The following ATP6V1H variants were observed in gnomAD, a reference collection of about 807,000 sequenced individuals.
ATP6V1H encodes V-type proton ATPase subunit H.
In ATP6V1H, 39 loss-of-function variants were observed where a neutral mutation model predicts 71.7. The observed-to-expected ratio is 0.54, with a 90% CI of 0.42 to 0.71. ATP6V1H has a LOEUF of 0.71. Ranked by LOEUF, ATP6V1H falls within the 30% of genes least tolerant of loss-of-function variation. ATP6V1H has a pLI of 0.00. For synonymous variants in ATP6V1H, 192 were observed against 199.3 expected (o/e 0.96, Z 0.31); for missense variants, 509 against 594.9 (o/e 0.86, Z 1.50).
chr8:53,785,345 G>A (rs562178084), intron 9 of ATP6V1H, among the ~76,000 whole-genome samples: 20 of 152,202 alleles, frequency 1.3e-4, no homozygotes, highest in African/African-American at 4.6e-4. Context: ...ACTGAGGCTT[G>A]TGCATTCATC....
intron 7 of ATP6V1H, 84 bp from the exon 8 acceptor site, chr8:53,801,980 G>C (rs1354952998): frequency 8.2e-7 from 1 of 1,212,484 alleles, no homozygotes; most frequent in Non-Finnish European, 1.2e-6. Flanking sequence ...TGAAAAGTCA[G>C]ATTACCTACT....
rs760213235 is a variant in ATP6V1H at position 53,772,032 on chromosome 8, T to G, written c.1006A>C (p.Lys336Gln). 3.7e-6 allele frequency: 6 copies of G among 1,614,168 alleles called. No individual in the cohort carries two copies. In the South Asian group the frequency reaches 4.4e-5, roughly 12 times the overall value. ...YDDEDISEDI[K>Q]FLLEKLGESV... is the part of the protein sequence containing the mutation. ...TCTCCAAGTTTTTCCAAAAGAAATT[T>G]GATATCTTCGCTGATATCTTCATCA... Residue 336 changes from lysine (K) to glutamine (Q), a missense_variant, in exon 10 of 14, where the codon AAA (lysine) becomes CAA (glutamine). Around this residue, in one of 2 missense-constraint regions of ATP6V1H, gnomAD observed 212 missense variants for 291.6 expected, o/e 0.73. Coordinates refer to ENST00000359530, the MANE Select transcript of ATP6V1H (RefSeq NM_015941.4).
intron 4 of ATP6V1H, among the ~76,000 whole-genome samples, chr8:53,820,359 A>G (rs1810608151): frequency 6.6e-6 from 1 of 151,960 alleles, no homozygotes; most frequent in Non-Finnish European, 1.5e-5. Context: ...AAGGAACAAA[A>G]GAGGAAACTT....
At chr8:53,801,683 T>A in intron 8 of ATP6V1H, 116 bp downstream of exon 8, 1 of 860,474 alleles carries the variant, frequency 1.2e-6, no homozygotes, top group Non-Finnish European at 1.8e-6. Context: ...TAGTCAATTG[T>A]TAAACAGATA....
chr8:53,748,616 T>C (rs956807882), intron 12 of ATP6V1H, among the ~76,000 whole-genome samples: 1 of 152,116 alleles, frequency 6.6e-6, no homozygotes, highest in African/African-American at 2.4e-5. Flanking sequence ...AAAATACCCA[T>C]GATAAATGAG....
chr8:53,806,473 T>A (rs1810081842), intron 7 of ATP6V1H, among the ~76,000 whole-genome samples: 2 of 152,182 alleles, frequency 1.3e-5, no homozygotes, highest in Admixed American at 1.3e-4. Context: ...ACTATTGGTT[T>A]ACAAATTTAT....
intron 12 of ATP6V1H, among the ~76,000 whole-genome samples, chr8:53,748,755 G>C (rs1807695322): frequency 6.6e-6 from 1 of 152,118 alleles, no homozygotes; most frequent in South Asian, 2.1e-4. Context: ...TAAGGGTGTT[G>C]CTTTTTCCTC....
At chr8:53,729,231 T>G (rs1310070172) in intron 13 of ATP6V1H, among the ~76,000 whole-genome samples, 1 of 152,126 alleles carries the variant, frequency 6.6e-6, no homozygotes, top group African/African-American at 2.4e-5. Context: ...TCTTTAAAAT[T>G]AGGATGACCA....
At chr8:53,751,382 C>G (rs1807790366) in intron 12 of ATP6V1H, among the ~76,000 whole-genome samples, 1 of 152,192 alleles carries the variant, frequency 6.6e-6, no homozygotes, top group Admixed American at 6.5e-5. Flanking sequence ...AAAGGCTGTA[C>G]TAACCGAATT....
At chr8:53,773,958 A>G (rs1167069271) in intron 9 of ATP6V1H, among the ~76,000 whole-genome samples, 1 of 152,232 alleles carries the variant, frequency 6.6e-6, no homozygotes, top group East Asian at 1.9e-4. Context: ...AATAGGTTAA[A>G]GTTATCCAAG....
chr8:53,770,412 T>C (rs993914217), intron 10 of ATP6V1H, among the ~76,000 whole-genome samples: 2 of 152,152 alleles, frequency 1.3e-5, no homozygotes, highest in Non-Finnish European at 2.9e-5. Flanking sequence ...GGTTAGCCAG[T>C]AGACAAACAC....
At position 53,833,004 on chromosome 8, in the gene ATP6V1H, G is replaced by T. The variant is rs767550891; in HGVS notation, c.196C>A (p.Leu66Ile). ...ATCACCTGGCTGCCTTCAGTTTGAA[G>T]CATCTCTTGCTTCTCTTCAGGGCTT... ...KRSPEEKQEM[L>I]QTEGSQCAKT... is the part of the protein sequence containing the mutation. The change falls in exon 3 of 14, where the codon CTT (leucine) becomes ATT (isoleucine). Residue 66 changes from leucine (L) to isoleucine (I), a missense_variant. Leu to Ile is a conservative substitution (Grantham distance 5). Transcript: ENST00000359530. 7.4e-6 allele frequency: 12 copies of T among 1,612,890 alleles called. No homozygotes were observed. In the South Asian group the frequency reaches 1.3e-4, roughly 18 times the overall value.
chr8:53,788,235 T>TA (rs1313439473), intron 9 of ATP6V1H, among the ~76,000 whole-genome samples: 3 of 151,950 alleles, frequency 2.0e-5, no homozygotes, highest in Non-Finnish European at 4.4e-5. Flanking sequence ...TATGAGAATC[T>TA]AAAAAAAACT....
chr8:53,753,167 T>A (rs1425785505), intron 12 of ATP6V1H, among the ~76,000 whole-genome samples: 2 of 151,084 alleles, frequency 1.3e-5, no homozygotes, highest in East Asian at 3.9e-4. Context: ...AGCAGAAGGA[T>A]CCAGAGCTTG....
At chr8:53,765,780 GT>G (rs1405790771) in intron 11 of ATP6V1H, among the ~76,000 whole-genome samples, 2 of 152,130 alleles carry the variant, frequency 1.3e-5, no homozygotes, top group Non-Finnish European at 2.9e-5. Context: ...ACAAACTAAT[GT>G]TTGTTTCCAT....
intron 9 of ATP6V1H, among the ~76,000 whole-genome samples, chr8:53,774,802 G>A (rs138271494): frequency 4.3e-3 from 658 of 152,184 alleles, no homozygotes; most frequent in South Asian, 0.015. Flanking sequence ...AAACTCAGCC[G>A]GAAACCACAG....
chr8:53,776,181 G>A (rs1473476304), intron 9 of ATP6V1H, among the ~76,000 whole-genome samples: 1 of 152,200 alleles, frequency 6.6e-6, no homozygotes, highest in East Asian at 1.9e-4. Flanking sequence ...AGGGCCGGCC[G>A]GCTGCTCCGA....
chr8:53,716,346 C>G (rs1165014175), intron 13 of ATP6V1H, among the ~76,000 whole-genome samples: 4 of 152,174 alleles, frequency 2.6e-5, no homozygotes. Context: ...AGACTACTTT[C>G]CTGTTCAGAT....
At chr8:53,780,134 C>T (rs539165353) in intron 9 of ATP6V1H, among the ~76,000 whole-genome samples, 3 of 143,546 alleles carry the variant, frequency 2.1e-5, no homozygotes, top group Non-Finnish European at 4.5e-5. Context: ...ATTCCAGCCT[C>T]GGTGACAGGG....
Sources: gnomAD v4.1 joint callset for allele counts (sites outside exome capture counted in the v4.1 genomes callset) on GRCh38, gnomAD v4.1.1 for gene constraint, gnomAD v4.1.1 regional missense constraint, MANE v1.5 for transcripts, NCBI Gene and HGNC (gene_info 2026-07-23, HGNC 2026-07-21) for gene names.